Variants in POMGNT1 observed in about 807,000 individuals in gnomAD.
POMGNT1 encodes protein O-linked mannose N-acetylglucosaminyltransferase 1 (beta 1,2-).
A neutral mutation model predicts 95.6 loss-of-function variants in POMGNT1; 67 were observed. The observed-to-expected ratio is 0.70, with a 90% CI of 0.58 to 0.86. POMGNT1 has a LOEUF of 0.86. Ranked by LOEUF, POMGNT1 falls within the 40% of genes least tolerant of loss-of-function variation. The pLI is 0.00. For synonymous variants in POMGNT1, 298 were observed against 317.9 expected, an observed-to-expected ratio of 0.94 and a Z score of 0.66; for missense variants, 719 against 855.2, an observed-to-expected ratio of 0.84 and a Z score of 1.99.
At chr1:46,208,783 A>G (rs1309542739) in intron 1 of POMGNT1, among the ~76,000 whole-genome samples, 1 of 151,984 alleles carries the variant, frequency 6.6e-6, no homozygotes, top group Admixed American at 6.6e-5. Context: ...GGAGGTTGCA[A>G]TGAGCCAAGA....
At chr1:46,208,773 G>A (rs1052588231) in intron 1 of POMGNT1, among the ~76,000 whole-genome samples, 1 of 152,036 alleles carries the variant, frequency 6.6e-6, no homozygotes, top group African/African-American at 2.4e-5. Flanking sequence ...CCCTGGAGGC[G>A]GAGGTTGCAA....
Position 46,194,832 on chromosome 1 carries a change from T to C in POMGNT1, c.652+12A>G, listed in dbSNP as rs1658093902. ...TTGATACTACAGAGTGGATGGCCTCTGATGCCGGCACCTCCTTTTCGTCCC... is the reference window on the plus strand; with the variant it reads ...TTGATACTACAGAGTGGATGGCCTCCGATGCCGGCACCTCCTTTTCGTCCC... On this transcript the variant is annotated intron_variant, in intron 7 of 21. Coordinates refer to ENST00000371984, the MANE Select transcript of POMGNT1 (RefSeq NM_017739.4). The C allele has an allele frequency of 6.2e-7, 1 of 1,614,098 alleles. No individual in the cohort carries two copies. Among genetic ancestry groups the C allele is most frequent in the Admixed American group, 1.7e-5 (1 of 60,032 alleles).
At chr1:46,203,661 C>T in intron 1 of POMGNT1, 1 of 1,582,312 alleles carries the variant, frequency 6.3e-7, no homozygotes, top group Non-Finnish European at 8.6e-7. Flanking sequence ...GGACGAGTCC[C>T]TAGTGTAGGG....
In POMGNT1 at chr1:46,197,078, C is replaced by G. The variant is rs1355798817; in HGVS notation, c.127G>C (p.Ala43Pro). Residue 43 changes from alanine (A) to proline (P), a missense_variant, in exon 3 of 22, where the codon GCC becomes CCC. Ala to Pro is a conservative substitution (Grantham distance 27). Around this residue, in one of 5 missense-constraint regions of POMGNT1, gnomAD observed 466 missense variants for 517.4 expected, o/e 0.90. Transcript: ENST00000371984. ...ACAGTCACCAGCAGGAAAAGCACGG[C>G]CCCTGTCTGAGGGGAGGGGTAGGGA... is the stretch of plus-strand genomic sequence containing the variant. ...RALRRFCQTG[A>P]VLFLLVTVIV... 1 of 1,614,158 alleles carries G rather than the reference C, an allele frequency of 6.2e-7. No individual in the cohort carries two copies.
At chr1:46,195,022 A>C in intron 6 of POMGNT1, 61 bp from the exon 7 acceptor site, 2 of 1,489,044 alleles carry the variant, frequency 1.3e-6, no homozygotes, top group Non-Finnish European at 1.9e-6. Context: ...CTGGCCTCAC[A>C]GAGCACGAAC....
In POMGNT1 at chr1:46,194,632, T is replaced by C. The variant is rs2148202699; in HGVS notation, c.672A>G (p.Lys224=). Residue 224 remains lysine (K), a synonymous_variant, in exon 8 of 22, where the codon AAA becomes AAG. Coordinates refer to ENST00000371984, the MANE Select transcript of POMGNT1 (RefSeq NM_017739.4). ...GRKGGPVFGE[K]HSKSPALSSW... is the part of the protein sequence containing the mutation. ...AAGAGAGGGCAGGTGATTTAGAATG[T>C]TTCTCCCCGAAGACAGGACCTGGCA... is the stretch of plus-strand genomic sequence containing the variant. The C allele has an allele frequency of 6.2e-7, 1 of 1,614,182 alleles. No individual in the cohort carries two copies. Among genetic ancestry groups the C allele is most frequent in the Non-Finnish European group, 8.5e-7 (1 of 1,179,998 alleles).
chr1:46,191,867 C>T (rs573458161), intron 17 of POMGNT1: 1 of 512,536 alleles, frequency 2.0e-6, no homozygotes, highest in Admixed American at 2.9e-5. Context: ...ATCTCCTGAC[C>T]TTGTGATCCA....
upstream of POMGNT1, chr1:46,203,250 A>G: frequency 4.7e-6 from 2 of 429,432 alleles, no homozygotes; most frequent in Admixed American, 4.1e-5. Flanking sequence ...GCACTCGAAT[A>G]CATCCACAGA....
At chr1:46,213,799 C>T (rs1472685309) in intron 1 of POMGNT1, among the ~76,000 whole-genome samples, 1 of 151,860 alleles carries the variant, frequency 6.6e-6, no homozygotes, top group Admixed American at 6.6e-5. Context: ...AGGATACTGA[C>T]AGCCTTGCTT....
intron 1 of POMGNT1, among the ~76,000 whole-genome samples, chr1:46,204,023 C>T (rs1476471274): frequency 6.6e-6 from 1 of 152,116 alleles, no homozygotes; most frequent in African/African-American, 2.4e-5. Context: ...TTCTGCTAAC[C>T]GGGAAAGGGT....
chr1:46,214,042 T>A (rs1382284068), intron 1 of POMGNT1, among the ~76,000 whole-genome samples: 6 of 151,850 alleles, frequency 4.0e-5, no homozygotes, highest in Non-Finnish European at 7.4e-5. Flanking sequence ...TAGACCTAAA[T>A]AAATAGGAAA....
exon 1 of POMGNT1, chr1:46,220,181 G>T (rs774649351): frequency 2.5e-6 from 4 of 1,613,790 alleles, no homozygotes; most frequent in Non-Finnish European, 3.4e-6. Flanking sequence ...AGGCCCACTG[G>T]TTCTGGGAGC....
intron 1 of POMGNT1, among the ~76,000 whole-genome samples, chr1:46,207,023 A>G (rs1243120004): frequency 6.6e-6 from 1 of 152,034 alleles, no homozygotes; most frequent in Non-Finnish European, 1.5e-5. Flanking sequence ...GGAAGGAGGC[A>G]CAGGCTGTTT....
In POMGNT1 at chr1:46,194,329, T is replaced by C. The variant is rs200789546; in HGVS notation, c.824A>G (p.Tyr275Cys). ...RRRFCSKVEG[Y>C]GSVCSCKDPT... ...GTCCTTGCAGCTGCATACACTTCCA[T>C]AGCCCTCAACTTTGCTGCAGAAGCG... The change falls in exon 9 of 22, where the codon TAT (tyrosine) becomes TGT (cysteine). Residue 275 changes from tyrosine to cysteine, a missense_variant. By Grantham distance (194) the Tyr-to-Cys change is radical (BLOSUM62 -2). Around this residue, in one of 5 missense-constraint regions of POMGNT1, gnomAD observed 466 missense variants for 517.4 expected, o/e 0.90. Transcript: ENST00000371984. 5 of 1,614,052 alleles carry C rather than the reference T, an allele frequency of 3.1e-6. No homozygotes were observed. Among genetic ancestry groups the C allele is most frequent in the Non-Finnish European group, 3.4e-6 (4 of 1,180,028 alleles).
chr1:46,206,196 C>G (rs995169980), intron 1 of POMGNT1, among the ~76,000 whole-genome samples: 1 of 152,246 alleles, frequency 6.6e-6, no homozygotes, highest in Non-Finnish European at 1.5e-5. Flanking sequence ...AGTCTTGGCT[C>G]TGCTTCTGAA....
chr1:46,195,736 G>A (rs1266904393), intron 6 of POMGNT1, 75 bp downstream of exon 6: 3 of 1,295,204 alleles, frequency 2.3e-6, no homozygotes, highest in Non-Finnish European at 2.2e-6. Flanking sequence ...TGTTATATGA[G>A]GGGCAGAGAA....
intron 17 of POMGNT1, 167 bp from the exon 18 acceptor site, chr1:46,190,951 C>A: frequency 1.5e-6 from 1 of 683,442 alleles, no homozygotes. Flanking sequence ...CCTCAGCAAG[C>A]TCTTACTAGC....
chr1:46,205,794 C>G (rs1023683540), intron 1 of POMGNT1, among the ~76,000 whole-genome samples: 8 of 152,198 alleles, frequency 5.3e-5, no homozygotes, highest in Non-Finnish European at 7.3e-5. Context: ...ATATTAATCT[C>G]TTCTTGTGCT....
Position 46,189,498 on chromosome 1 carries a change from T to A in POMGNT1, c.1855A>T (p.Asn619Tyr), listed in dbSNP as rs374401585. 38 of 1,613,574 alleles carry A rather than the reference T, an allele frequency of 2.4e-5. No homozygotes were observed. The highest frequency in any genetic ancestry group is 1.6e-4 in the Middle Eastern group (1 of 6,082). The change falls in exon 21 of 22, where the codon AAC becomes TAC. Residue 619 changes from asparagine to tyrosine, a missense_variant. Asn to Tyr is a moderately radical substitution (Grantham distance 143). Around this residue, in one of 5 missense-constraint regions of POMGNT1, gnomAD observed 130 missense variants for 149.2 expected, o/e 0.87. Coordinates refer to ENST00000371984, the MANE Select transcript of POMGNT1 (RefSeq NM_017739.4). ...RGLWRLFRKK[N>Y]HFLMVGVPAS... ...GGGACCCCCACCATCAGGAAGTGGT[T>A]CTTCTTCCGAAACAATCTCCACAGG...
Sources: gnomAD v4.1 joint callset for allele counts (sites outside exome capture counted in the v4.1 genomes callset) on GRCh38, gnomAD v4.1.1 for gene constraint, gnomAD v4.1.1 regional missense constraint, MANE v1.5 for transcripts, NCBI Gene and HGNC (gene_info 2026-07-23, HGNC 2026-07-21) for gene names.